Variants in TMEM177 observed in about 807,000 individuals in gnomAD.
TMEM177 encodes transmembrane protein 177.
Under a neutral mutation model 14.2 loss-of-function variants are expected in TMEM177, and 4 were observed. That is an observed-to-expected ratio of 0.28 (90% CI 0.14 to 0.64). The LOEUF is 0.64. Among genes scored for constraint, TMEM177 ranks in the 30% least tolerant of loss-of-function variants. TMEM177 has a pLI of 0.82. For synonymous variants in TMEM177, 179 were observed against 174.5 expected, an observed-to-expected ratio of 1.03 and a Z score of -0.20; for missense variants, 344 against 405.2, an observed-to-expected ratio of 0.85 and a Z score of 1.30.
chr2:119,715,274 G>T, the TMEM177 span, among the ~76,000 whole-genome samples: 1 of 152,152 alleles, frequency 6.6e-6, no homozygotes, highest in Admixed American at 6.5e-5. Context: ...TGTAGTCTTA[G>T]CTCCTCTGGA....
chr2:119,691,537 G>A, the TMEM177 span, among the ~76,000 whole-genome samples: 16 of 152,248 alleles, frequency 1.1e-4, no homozygotes, highest in African/African-American at 2.9e-4. Context: ...CACCCAGTAC[G>A]GTTTTATTGA....
chr2:119,703,022 G>A, the TMEM177 span, among the ~76,000 whole-genome samples: 2 of 152,224 alleles, frequency 1.3e-5, no homozygotes, highest in African/African-American at 4.8e-5. Flanking sequence ...GGCCAGCAGG[G>A]GGAGCAAGCT....
the TMEM177 span, among the ~76,000 whole-genome samples, chr2:119,709,946 C>T: frequency 6.6e-6 from 1 of 151,936 alleles, no homozygotes; most frequent in Admixed American, 6.6e-5. Flanking sequence ...ACTTGTAAAC[C>T]CATAGAGATG....
At chr2:119,690,456 A>T (rs1332725592), downstream of TMEM177, among the ~76,000 whole-genome samples, 1 of 152,128 alleles carries the variant, frequency 6.6e-6, no homozygotes, top group Non-Finnish European at 1.5e-5. Context: ...ATGAACTAAT[A>T]CAGCCCACCC....
At chr2:119,691,282 A>T (rs1689090682), downstream of TMEM177, among the ~76,000 whole-genome samples, 1 of 152,162 alleles carries the variant, frequency 6.6e-6, no homozygotes, top group Non-Finnish European at 1.5e-5. Flanking sequence ...AATGGGAATA[A>T]TGACAGTGCC....
chr2:119,703,354 G>A, the TMEM177 span, among the ~76,000 whole-genome samples: 1 of 152,140 alleles, frequency 6.6e-6, no homozygotes, highest in Non-Finnish European at 1.5e-5. Context: ...AACTCTCCAA[G>A]CCTGTGGCCT....
At chr2:119,689,773 C>T (rs1458533697), downstream of TMEM177, among the ~76,000 whole-genome samples, 1 of 152,188 alleles carries the variant, frequency 6.6e-6, no homozygotes, top group Non-Finnish European at 1.5e-5. Flanking sequence ...TAGGCTTTAT[C>T]AGGGTCCAAC....
chr2:119,681,884 G>A lies in TMEM177; in HGVS notation c.*95G>A, dbSNP rs1688916844. 3.5e-6 allele frequency: 4 copies of A among 1,134,576 alleles called. No individual in the cohort carries two copies. The highest frequency in any genetic ancestry group is 2.6e-4 in the Middle Eastern group (1 of 3,826). The allele number at this position is 1,134,576 out of a possible 1,614,324, so 70.3% of individuals were successfully genotyped here. On this transcript the variant is annotated 3_prime_UTR_variant, in exon 2 of 2. Coordinates refer to ENST00000272521, the MANE Select transcript of TMEM177 (RefSeq NM_030577.3). ...TGGAGCCTTTGGACCTATAGCTCAC[G>A]GCCAGAAAAATCACTGGCTTTGGAA...
the TMEM177 span, among the ~76,000 whole-genome samples, chr2:119,704,575 G>A: frequency 0.028 from 4,287 of 151,842 alleles, 99 homozygotes; most frequent in African/African-American, 0.071. Flanking sequence ...TCCAGACTCC[G>A]TCTCAAAAAA....
chr2:119,695,455 G>A, the TMEM177 span, among the ~76,000 whole-genome samples: 1 of 152,246 alleles, frequency 6.6e-6, no homozygotes, highest in South Asian at 2.1e-4. Flanking sequence ...CTCACAGGCA[G>A]GGCCTGGCCT....
At chr2:119,698,096 G>T in the TMEM177 span, among the ~76,000 whole-genome samples, 1 of 152,172 alleles carries the variant, frequency 6.6e-6, no homozygotes, top group African/African-American at 2.4e-5. Context: ...GAACTTCACG[G>T]TGAACAAAGG....
chr2:119,699,297 G>A, the TMEM177 span, among the ~76,000 whole-genome samples: 1 of 152,146 alleles, frequency 6.6e-6, no homozygotes, highest in Non-Finnish European at 1.5e-5. Flanking sequence ...GAAGGGGGAA[G>A]AGCCCCTTAT....
At chr2:119,687,201 G>T (rs1689029144), downstream of TMEM177, among the ~76,000 whole-genome samples, 1 of 152,162 alleles carries the variant, frequency 6.6e-6, no homozygotes, top group African/African-American at 2.4e-5. Flanking sequence ...GACCCACATG[G>T]CGAGGAACTA....
At chr2:119,705,619 CGTGTGTGTGTGTGT>C in the TMEM177 span, among the ~76,000 whole-genome samples, 3 of 139,264 alleles carry the variant, frequency 2.2e-5, no homozygotes, top group South Asian at 2.4e-4. Flanking sequence ...CACTCAGATC[CGTGTGTGTGTGTGT>C]GTGTGTGTGT....
the TMEM177 span, among the ~76,000 whole-genome samples, chr2:119,692,244 G>C: frequency 6.6e-6 from 1 of 152,208 alleles, no homozygotes; most frequent in Non-Finnish European, 1.5e-5. Flanking sequence ...CATATGAATC[G>C]ATTTTGTTTT....
the TMEM177 span, among the ~76,000 whole-genome samples, chr2:119,694,917 C>G: frequency 6.6e-6 from 1 of 152,216 alleles, no homozygotes; most frequent in African/African-American, 2.4e-5. Flanking sequence ...CTCACTCACT[C>G]TATTTGGACA....
the TMEM177 span, among the ~76,000 whole-genome samples, chr2:119,695,133 CTGGGTAGG>C: frequency 1.3e-5 from 2 of 152,226 alleles, no homozygotes; most frequent in Non-Finnish European, 2.9e-5. Flanking sequence ...TCCTTCATTT[CTGGGTAGG>C]AAAGAGTCTC....
downstream of TMEM177, among the ~76,000 whole-genome samples, chr2:119,682,948 G>A (rs1042259177): frequency 2.0e-4 from 30 of 152,312 alleles, no homozygotes; most frequent in African/African-American, 5.5e-4. Flanking sequence ...GGATGGAGCC[G>A]GGCCCCTGGG....
Position 119,681,438 on chromosome 2 carries a change from A to C in TMEM177, c.585A>C (p.Ala195=). ...VGAKYTLGLH[A]GPMNLRAAFS... is the part of the protein sequence containing the mutation. Reference sequence around the variant, plus strand: ...CCAAGTACACCCTGGGGCTCCATGCAGGCCCCATGAATTTACGGGCTGCCT... The same window carrying C: ...CCAAGTACACCCTGGGGCTCCATGCCGGCCCCATGAATTTACGGGCTGCCT... The change falls in exon 2 of 2, where the codon GCA becomes GCC. Residue 195 remains alanine, a synonymous_variant. Coordinates refer to ENST00000272521, the MANE Select transcript of TMEM177 (RefSeq NM_030577.3). 1.2e-6 allele frequency: 2 copies of C among 1,613,780 alleles called. No homozygotes were observed. The highest frequency in any genetic ancestry group is 1.7e-6 in the Non-Finnish European group (2 of 1,180,042).
Sources: allele counts gnomAD v4.1 joint callset (sites outside exome capture counted in the v4.1 genomes callset), GRCh38; gene constraint gnomAD v4.1.1; transcripts MANE v1.5; gene names NCBI Gene and HGNC (gene_info 2026-07-23, HGNC 2026-07-21).